The following MLXIPL variants were observed in gnomAD, a reference collection of about 807,000 sequenced individuals.
The protein encoded by MLXIPL is MLX interacting protein like.
Under a neutral mutation model 81.5 loss-of-function variants are expected in MLXIPL, and 49 were observed. The observed-to-expected ratio is 0.60, with a 90% CI of 0.48 to 0.76. The LOEUF (loss-of-function observed/expected upper bound fraction) is 0.76, where lower values mean the gene tolerates loss of function less well. MLXIPL is among the 30% of genes least tolerant of loss of function. The pLI, the probability that MLXIPL is intolerant of heterozygous loss-of-function variation, is 0.00. For missense variants in MLXIPL, 1,053 were observed against 1,167.0 expected, an observed-to-expected ratio of 0.90 and a Z score of 1.42; for synonymous variants, 466 against 485.5, an observed-to-expected ratio of 0.96 and a Z score of 0.53.
rs782626557 is a variant in MLXIPL at position 73,599,495 on chromosome 7, C to T, written c.1071+31G>A. Reference sequence around the variant, plus strand: ...GCAGGAACAGCTCTCAAGTGAGCTACACAGGGCTGGACGGGGTGGGGTGAG... The same window carrying T: ...GCAGGAACAGCTCTCAAGTGAGCTATACAGGGCTGGACGGGGTGGGGTGAG... On this transcript the variant is annotated intron_variant, in intron 8 of 16. Coordinates refer to ENST00000313375, the MANE Select transcript of MLXIPL (RefSeq NM_032951.3). 4.3e-6 allele frequency: 7 copies of T among 1,611,008 alleles called. No individual in the cohort carries two copies. The African/African-American group carries it at 8.0e-5, about 19-fold the overall frequency.
chr7:73,607,794 G>GCCCATGCT, intron 2 of MLXIPL, 122 bp from the exon 3 acceptor site: 1 of 726,446 alleles, frequency 1.4e-6, no homozygotes. Context: ...CAGATTAAGT[G>GCCCATGCT]CCCATGCTGC....
chr7:73,596,662 C>T lies in MLXIPL; in HGVS notation c.1799G>A (p.Arg600Gln), dbSNP rs1554594054. The T allele has an allele frequency of 3.8e-6, 6 of 1,591,582 alleles. No homozygotes were observed. Among genetic ancestry groups the T allele is most frequent in the South Asian group, 1.1e-5 (1 of 87,770 alleles). ...ACCGCTGGGCGCTGGGGGTGAGAGCCGCTCCGCTTTGGGGACAAGCAGGGG... is the reference window on the plus strand; with the variant it reads ...ACCGCTGGGCGCTGGGGGTGAGAGCTGCTCCGCTTTGGGGACAAGCAGGGG... ...SRPLLVPKAE[R>Q]LSPPAPSGSE... The change falls in exon 11 of 17, where the codon CGG becomes CAG. Residue 600 changes from arginine to glutamine, a missense_variant. Arg to Gln is a conservative substitution (Grantham distance 43). Around this residue, in one of 3 missense-constraint regions of MLXIPL, gnomAD observed 823 missense variants for 933.0 expected, o/e 0.88. Transcript: ENST00000313375. The surrounding 1 kb of genome is among the most constrained non-coding windows in gnomAD (Gnocchi z 4.7).
rs1303254856 is a variant in MLXIPL at position 73,608,558 on chromosome 7, G to A, written c.401-886C>T. On this transcript the variant is annotated intron_variant, in intron 2 of 16. Coordinates refer to ENST00000313375, the MANE Select transcript of MLXIPL (RefSeq NM_032951.3). ...GATCACGCCACTGCATTCCAGCCTG[G>A]TGACAGAGCAAGAATCCATCTCAAA... Among the ~76,000 whole-genome samples the A allele has an allele frequency of 5.3e-5, 8 of 151,886 alleles. No homozygotes were observed. The South Asian group carries it at 1.5e-3, about 28-fold the overall frequency.
chr7:73,603,899 G>A (rs1250000085), intron 7 of MLXIPL, among the ~76,000 whole-genome samples: 1 of 152,154 alleles, frequency 6.6e-6, no homozygotes, highest in Non-Finnish European at 1.5e-5. Context: ...AGGAGAGGGA[G>A]GCAGGGACAC....
At chr7:73,644,230 C>G in the MLXIPL span, among the ~76,000 whole-genome samples, 2 of 150,628 alleles carry the variant, frequency 1.3e-5, no homozygotes, top group Non-Finnish European at 3.0e-5. Context: ...TTTTTTGAAG[C>G]TGAGTTTAGC....
At chr7:73,644,416 GC>G in the MLXIPL span, among the ~76,000 whole-genome samples, 1 of 151,826 alleles carries the variant, frequency 6.6e-6, no homozygotes, top group East Asian at 1.9e-4. Flanking sequence ...TGCCATGTTG[GC>G]CAGGCTGGTC....
At position 73,623,211 on chromosome 7, in the gene MLXIPL, GGTGCC is replaced by G. The variant is rs1584159587; in HGVS notation, c.293+984_293+988del. On this transcript the variant is annotated intron_variant, in intron 1 of 16. Transcript: ENST00000313375. The surrounding 1 kb of genome is among the most constrained non-coding windows in gnomAD (Gnocchi z 5.7). ...GCTCCTGCTCCCCCGCAGGGCGGCA[GGTGCC>G]GATCTGTAGCCAGCGGTTCTCAGAA... is the stretch of plus-strand genomic sequence containing the variant. 6.6e-6 allele frequency among the ~76,000 whole-genome samples: 1 copy of G among 152,246 alleles called. No homozygotes were observed. The highest frequency in any genetic ancestry group is 1.9e-4 in the East Asian group (1 of 5,202).
chr7:73,603,554 C>T (rs1236547080), intron 7 of MLXIPL, among the ~76,000 whole-genome samples: 1 of 152,334 alleles, frequency 6.6e-6, no homozygotes, highest in East Asian at 1.9e-4. Flanking sequence ...GTTCCCGCCC[C>T]ATAGGCCTCC....
chr7:73,625,709 C>A (rs1199517808), upstream of MLXIPL, among the ~76,000 whole-genome samples: 1 of 151,292 alleles, frequency 6.6e-6, no homozygotes, highest in Non-Finnish European at 1.5e-5. Context: ...TGCAGTGAGC[C>A]GAGATCGCGC....
intron 1 of MLXIPL, among the ~76,000 whole-genome samples, chr7:73,622,650 T>C (rs1554602563): frequency 1.3e-5 from 2 of 151,782 alleles, no homozygotes; most frequent in Non-Finnish European, 2.9e-5. Context: ...AGCCAGAGAT[T>C]TACTATTAAT....
chr7:73,615,923 A>C (rs1795981075), intron 2 of MLXIPL, 148 bp downstream of exon 2: 2 of 650,232 alleles, frequency 3.1e-6, no homozygotes, highest in Non-Finnish European at 5.3e-6. Context: ...AAAAAAAAAA[A>C]AAAAAAAAAA....
chr7:73,609,197 C>T (rs1168024338), intron 2 of MLXIPL: 1 of 148,866 alleles, frequency 6.7e-6, no homozygotes, highest in Non-Finnish European at 1.5e-5. Context: ...AATTCCTGGG[C>T]TCACGAGGCT....
chr7:73,624,754 AAGGGATATTAAG>A (rs1796630840), upstream of MLXIPL, among the ~76,000 whole-genome samples: 1 of 152,104 alleles, frequency 6.6e-6, no homozygotes, highest in Admixed American at 6.6e-5. Flanking sequence ...CTTTGCTCCA[AAGGGATATTAAG>A]AAAGGTCAGG....
Position 73,607,413 on chromosome 7 carries a change from A to AC in MLXIPL, c.490dup (p.Val164GlyfsTer31). On this transcript the variant is annotated frameshift_variant, in exon 4 of 17. Coordinates refer to ENST00000313375, the MANE Select transcript of MLXIPL (RefSeq NM_032951.3). LOFTEE classifies it high-confidence loss of function. ...CCGCTTCCAGTAGTTCCCCTCCAGGACCACGGCCTGGGGTAGGGGCCGGGG... is the reference window on the plus strand; with the variant it reads ...CCGCTTCCAGTAGTTCCCCTCCAGGACCCACGGCCTGGGGTAGGGGCCGGGG... 2.6e-6 allele frequency: 4 copies of AC among 1,556,940 alleles called. No homozygotes were observed. Among genetic ancestry groups the AC allele is most frequent in the Non-Finnish European group, 3.5e-6 (4 of 1,149,824 alleles).
At chr7:73,632,741 T>TC in the MLXIPL span, among the ~76,000 whole-genome samples, 15 of 125,802 alleles carry the variant, frequency 1.2e-4, no homozygotes, top group Non-Finnish European at 2.1e-4. Flanking sequence ...ATTCCTTCCT[T>TC]CTTTCCTTCC....
chr7:73,647,719 C>T, the MLXIPL span, among the ~76,000 whole-genome samples: 2 of 152,074 alleles, frequency 1.3e-5, no homozygotes, highest in Non-Finnish European at 2.9e-5. Context: ...GGATCCAATT[C>T]CCCTTGGGTG....
rs1055674651 is a variant in MLXIPL, at chr7:73,614,260, A to C, written c.400+1811T>G. On this transcript the variant is annotated intron_variant, in intron 2 of 16. Transcript: ENST00000313375. ...CAAACAAACCCCCCCCACCGCCATAATTTGGAGTTGGGGAACTGTGGACTT... is the reference window on the plus strand; with the variant it reads ...CAAACAAACCCCCCCCACCGCCATACTTTGGAGTTGGGGAACTGTGGACTT... 3.3e-5 allele frequency among the ~76,000 whole-genome samples: 5 copies of C among 151,998 alleles called. No homozygotes were observed. The South Asian group carries it at 1.0e-3, about 32-fold the overall frequency.
At chr7:73,635,023 G>C in the MLXIPL span, among the ~76,000 whole-genome samples, 2 of 143,280 alleles carry the variant, frequency 1.4e-5, no homozygotes, top group African/African-American at 2.6e-5. Flanking sequence ...ATTGGGTTTC[G>C]CCATGTTGGC....
At chr7:73,633,459 C>T in the MLXIPL span, among the ~76,000 whole-genome samples, 1 of 151,670 alleles carries the variant, frequency 6.6e-6, no homozygotes, top group Non-Finnish European at 1.5e-5. Context: ...AGTCCTCCCG[C>T]CATGGTGTGT....
Sources: allele counts gnomAD v4.1 joint callset (sites outside exome capture counted in the v4.1 genomes callset), GRCh38; gene constraint gnomAD v4.1.1; regional missense constraint gnomAD v4.1.1; non-coding constraint Gnocchi (gnomAD v3.1); transcripts MANE v1.5; gene names NCBI Gene and HGNC (gene_info 2026-07-23, HGNC 2026-07-21).